Variants in GRIK2 observed in about 807,000 individuals in gnomAD.
GRIK2 encodes glutamate ionotropic receptor kainate type subunit 2.
In GRIK2, 32 loss-of-function variants were observed where a neutral mutation model predicts 100.3. That is an observed-to-expected ratio of 0.32 (90% CI 0.24 to 0.43). GRIK2 has a LOEUF of 0.43. Among genes scored for constraint, GRIK2 ranks in the 20% least tolerant of loss-of-function variants. The pLI is 1.00. For synonymous variants in GRIK2, 417 were observed against 389.4 expected, an observed-to-expected ratio of 1.07 and a Z score of -0.83; for missense variants, 843 against 1,114.9, an observed-to-expected ratio of 0.76 and a Z score of 3.47.
chr6:101,547,091 A>C (rs984928850), intron 2 of GRIK2, among the ~76,000 whole-genome samples: 1 of 151,758 alleles, frequency 6.6e-6, no homozygotes, highest in Admixed American at 6.6e-5. Context: ...TCGGCCTCCC[A>C]AAGTGCTGGG....
chr6:101,956,885 G>A (rs1270130944), intron 14 of GRIK2, among the ~76,000 whole-genome samples: 2 of 148,504 alleles, frequency 1.3e-5, no homozygotes, highest in Non-Finnish European at 3.0e-5. Flanking sequence ...TTTCTTTATC[G>A]AATCATCAGT....
intron 4 of GRIK2, among the ~76,000 whole-genome samples, chr6:101,648,647 A>C (rs1438795620): frequency 6.6e-6 from 1 of 152,106 alleles, no homozygotes; most frequent in Admixed American, 6.6e-5. Context: ...CTAAAGATTG[A>C]ATTCAAAGCA....
At chr6:101,624,846 C>A (rs560980252) in intron 3 of GRIK2, among the ~76,000 whole-genome samples, 3 of 152,158 alleles carry the variant, frequency 2.0e-5, no homozygotes, top group African/African-American at 7.2e-5. Flanking sequence ...ATCCTCCCAC[C>A]TCAGCCTGCC....
chr6:101,991,554 C>T (rs1360422551), intron 14 of GRIK2, among the ~76,000 whole-genome samples: 11 of 150,982 alleles, frequency 7.3e-5, no homozygotes, highest in Non-Finnish European at 8.9e-5. Context: ...AAATATTTTA[C>T]ACCTTTAATG....
At chr6:101,464,497 CTTTTTTTTTTTTTTTTTTTTTTTT>C (rs71028069) in intron 2 of GRIK2, among the ~76,000 whole-genome samples, 2 of 62,012 alleles carry the variant, frequency 3.2e-5, no homozygotes, top group African/African-American at 6.2e-5. Flanking sequence ...CTTTTTCTTT[CTTTTTTTTTTTTTTTTTTTTTTTT>C]TTTTTTTTTT....
chr6:101,785,998 A>T (rs1463986947), intron 7 of GRIK2, among the ~76,000 whole-genome samples: 1 of 151,818 alleles, frequency 6.6e-6, no homozygotes, highest in African/African-American at 2.4e-5. Flanking sequence ...TCTTTAATCA[A>T]TTTTTTGTAG....
chr6:101,900,266 A>T (rs1787753849), intron 12 of GRIK2, among the ~76,000 whole-genome samples: 1 of 152,100 alleles, frequency 6.6e-6, no homozygotes, highest in Non-Finnish European at 1.5e-5. Flanking sequence ...GGAGTTCAAG[A>T]CCAGCCTGAC....
chr6:101,888,642 A>G (rs1786830884), intron 11 of GRIK2, among the ~76,000 whole-genome samples: 1 of 152,146 alleles, frequency 6.6e-6, no homozygotes, highest in Non-Finnish European at 1.5e-5. Context: ...CACACAGAGA[A>G]TAATATTGTC....
intron 9 of GRIK2, among the ~76,000 whole-genome samples, chr6:101,817,524 C>T (rs1172411951): frequency 6.6e-6 from 1 of 152,142 alleles, no homozygotes; most frequent in African/African-American, 2.4e-5. Context: ...TTTGCCTCTG[C>T]TCTTCCTTGC....
At chr6:101,791,536 C>A (rs945917616) in intron 7 of GRIK2, among the ~76,000 whole-genome samples, 1 of 152,124 alleles carries the variant, frequency 6.6e-6, no homozygotes. Context: ...GTTTCTTAAT[C>A]CTGAGTTCTA....
chr6:101,688,501 G>A lies in GRIK2; in HGVS notation c.951+2148G>A, dbSNP rs549274048. ...ATTAATTTCCAAGGTAGAAGCTCTT[G>A]GAGAGAATTAACCTCTACAATATGG... On this transcript the variant is annotated intron_variant, in intron 7 of 16. Transcript: ENST00000369134. 1.7e-3 allele frequency among the ~76,000 whole-genome samples: 257 copies of A among 151,964 alleles called. 1 individual carries two copies. Among genetic ancestry groups the A allele is most frequent in the African/African-American group, 5.6e-3 (233 of 41,504 alleles).
intron 2 of GRIK2, among the ~76,000 whole-genome samples, chr6:101,487,500 A>G (rs1201604557): frequency 1.4e-5 from 2 of 147,038 alleles, no homozygotes; most frequent in Non-Finnish European, 3.0e-5. Context: ...TTATGAGGAT[A>G]CTTGTTTTCT....
At chr6:101,802,533 A>G (rs1248668202) in intron 9 of GRIK2, 95 bp downstream of exon 9, 1 of 461,548 alleles carries the variant, frequency 2.2e-6, no homozygotes, top group East Asian at 3.3e-5. Context: ...ATTGACATTT[A>G]ACTTTATTGA....
At chr6:101,601,164 C>T (rs1294488898) in intron 2 of GRIK2, among the ~76,000 whole-genome samples, 6 of 143,000 alleles carry the variant, frequency 4.2e-5, no homozygotes, top group Admixed American at 7.1e-5. Flanking sequence ...TGGATTTTAT[C>T]AAATGCTTTT....
intron 14 of GRIK2, among the ~76,000 whole-genome samples, chr6:101,943,570 C>A (rs2128476462): frequency 6.6e-6 from 1 of 152,324 alleles, no homozygotes; most frequent in South Asian, 2.1e-4. Flanking sequence ...GCCTTGGGAG[C>A]CCACCTCTTG....
chr6:101,856,394 T>A (rs1784428583), intron 10 of GRIK2, among the ~76,000 whole-genome samples: 1 of 152,162 alleles, frequency 6.6e-6, no homozygotes. Context: ...CTATGAGACA[T>A]AAAATCATGC....
At chr6:101,633,040 A>G (rs1269850179) in intron 4 of GRIK2, among the ~76,000 whole-genome samples, 2 of 152,172 alleles carry the variant, frequency 1.3e-5, no homozygotes, top group Admixed American at 1.3e-4. Context: ...CAAGCACTTC[A>G]TTATGACTGA....
At chr6:101,822,379 A>G (rs577337892) in intron 10 of GRIK2, among the ~76,000 whole-genome samples, 1 of 152,138 alleles carries the variant, frequency 6.6e-6, no homozygotes, top group East Asian at 1.9e-4. Flanking sequence ...GTAGAAGAAT[A>G]GACAGCTGAG....
At chr6:101,626,837 T>C (rs1326688797) in intron 4 of GRIK2, among the ~76,000 whole-genome samples, 200 bp downstream of exon 4, 1 of 152,136 alleles carries the variant, frequency 6.6e-6, no homozygotes, top group Non-Finnish European at 1.5e-5. Flanking sequence ...ACTTCTTCTC[T>C]GTATTTGTAA....
Sources: allele counts gnomAD v4.1 joint callset (sites outside exome capture counted in the v4.1 genomes callset), GRCh38; gene constraint gnomAD v4.1.1; transcripts MANE v1.5; gene names NCBI Gene and HGNC (gene_info 2026-07-23, HGNC 2026-07-21).